Variants in ASAH2 observed in about 807,000 individuals in gnomAD.
ASAH2 encodes N-acylsphingosine amidohydrolase 2.
ASAH2 carries 58 observed loss-of-function variants against 82.9 expected under a neutral mutation model. That is an observed-to-expected ratio of 0.70 (90% CI 0.57 to 0.87). The LOEUF (loss-of-function observed/expected upper bound fraction) is 0.87, where lower values mean the gene tolerates loss of function less well. ASAH2 is among the 40% of genes least tolerant of loss of function. The pLI is 0.00. For synonymous variants in ASAH2, 276 were observed against 289.7 expected (o/e 0.95, Z 0.48); for missense variants, 779 against 834.0 (o/e 0.93, Z 0.81).
chr10:50,198,933 A>G, intron 17 of ASAH2, 118 bp downstream of exon 17: 1 of 1,090,764 alleles, frequency 9.2e-7, no homozygotes, highest in Non-Finnish European at 1.4e-6. Context: ...ACTCGAAGCT[A>G]AGGTTCTCTT....
At chr10:50,245,981 A>G (rs1430256847) in intron 2 of ASAH2, among the ~76,000 whole-genome samples, 3 of 152,134 alleles carry the variant, frequency 2.0e-5, no homozygotes, top group African/African-American at 7.2e-5. Context: ...CCTTCTGAAG[A>G]CTTATTTTTA....
At chr10:50,211,256 T>C in intron 10 of ASAH2, 122 bp from the exon 11 acceptor site, 1 of 791,938 alleles carries the variant, frequency 1.3e-6, no homozygotes, top group East Asian at 2.6e-5. Flanking sequence ...GCTTTTGTTT[T>C]GCTGGTTGCT....
At chr10:50,226,758 T>C (rs1845896871) in intron 7 of ASAH2, among the ~76,000 whole-genome samples, 1 of 152,060 alleles carries the variant, frequency 6.6e-6, no homozygotes, top group African/African-American at 2.4e-5. Flanking sequence ...AAAAAAACTA[T>C]GCCCAGCACT....
chr10:50,208,501 T>C (rs993805172), intron 12 of ASAH2, among the ~76,000 whole-genome samples: 29 of 152,224 alleles, frequency 1.9e-4, no homozygotes, highest in African/African-American at 5.8e-4. Flanking sequence ...TGTATTTCTA[T>C]ACATTTTCTA....
At chr10:50,196,410 T>C (rs1248045468) in intron 18 of ASAH2, among the ~76,000 whole-genome samples, 13 of 151,476 alleles carry the variant, frequency 8.6e-5, no homozygotes, top group African/African-American at 3.1e-4. Context: ...AACTAATAAC[T>C]GATTCAGCAA....
intron 6 of ASAH2, among the ~76,000 whole-genome samples, chr10:50,233,737 G>GA (rs1363075178): frequency 6.6e-6 from 1 of 151,984 alleles, no homozygotes; most frequent in Non-Finnish European, 1.5e-5. Context: ...AAAATATGCA[G>GA]AAAAATGTTA....
At chr10:50,211,386 T>A (rs1845450220) in intron 10 of ASAH2, among the ~76,000 whole-genome samples, 12 of 152,164 alleles carry the variant, frequency 7.9e-5, no homozygotes, top group Non-Finnish European at 1.5e-5. Flanking sequence ...ATTATAGTGA[T>A]ACAGGCTGTG....
chr10:50,199,943 G>A (rs1465688810), intron 16 of ASAH2, among the ~76,000 whole-genome samples: 1 of 151,308 alleles, frequency 6.6e-6, no homozygotes, highest in South Asian at 2.1e-4. Flanking sequence ...TTTGTATTAG[G>A]TTCAGAGGTA....
At chr10:50,249,841 C>T (rs1215437995) in intron 1 of ASAH2, among the ~76,000 whole-genome samples, 2 of 152,040 alleles carry the variant, frequency 1.3e-5, no homozygotes, top group African/African-American at 4.8e-5. Context: ...TTTTCTTAAC[C>T]TGTGCTTTAG....
chr10:50,241,689 C>G (rs546078433), intron 4 of ASAH2, among the ~76,000 whole-genome samples: 13 of 152,260 alleles, frequency 8.5e-5, no homozygotes, highest in Non-Finnish European at 1.5e-4. Context: ...CACATATACA[C>G]CATGGAATAC....
chr10:50,194,623 C>A (rs1844926888), intron 18 of ASAH2, among the ~76,000 whole-genome samples: 1 of 150,994 alleles, frequency 6.6e-6, no homozygotes, highest in South Asian at 2.1e-4. Flanking sequence ...GCAAAAAAAA[C>A]AAAGATGAAG....
chr10:50,250,208 C>A (rs182247458), intron 1 of ASAH2, among the ~76,000 whole-genome samples: 71 of 152,290 alleles, frequency 4.7e-4, no homozygotes, highest in Admixed American at 3.6e-3. Context: ...CTCTACCCAG[C>A]AGGCCTTATT....
chr10:50,217,082 T>C (rs893421302), intron 8 of ASAH2, among the ~76,000 whole-genome samples: 22 of 152,122 alleles, frequency 1.4e-4, no homozygotes, highest in Admixed American at 3.3e-4. Flanking sequence ...ACAGGATGAG[T>C]GGCTTCTCAC....
intron 7 of ASAH2, among the ~76,000 whole-genome samples, chr10:50,229,735 G>A (rs1222100793): frequency 3.9e-5 from 6 of 152,074 alleles, no homozygotes; most frequent in South Asian, 4.1e-4. Flanking sequence ...TGTGTTAAAT[G>A]TTCTTTTCCA....
chr10:50,245,500 A>G (rs1168864613), intron 2 of ASAH2, 46 bp from the exon 3 acceptor site: 3 of 1,518,200 alleles, frequency 2.0e-6, no homozygotes, highest in South Asian at 1.2e-5. Context: ...CAGCCCTCTT[A>G]TTTGTCAACA....
intron 18 of ASAH2, among the ~76,000 whole-genome samples, chr10:50,194,163 C>A (rs1315763756): frequency 6.6e-5 from 10 of 151,264 alleles, no homozygotes; most frequent in Non-Finnish European, 1.3e-4. Flanking sequence ...CCAACTCATT[C>A]TTTGAAAGCA....
chr10:50,208,967 G>C lies in ASAH2; in HGVS notation c.1414+1856C>G, dbSNP rs910594151. Among the ~76,000 whole-genome samples the C allele has an allele frequency of 2.1e-3, 325 of 152,296 alleles. 1 individual carries two copies. The highest frequency in any genetic ancestry group is 7.6e-3 in the African/African-American group (316 of 41,578). Reference sequence around the variant, plus strand: ...GTTAGGCATATAGATCAATGGAATAGAATTGATCATCCAGACATAAAGCCA... The same window carrying C: ...GTTAGGCATATAGATCAATGGAATACAATTGATCATCCAGACATAAAGCCA... On this transcript the variant is annotated intron_variant, in intron 12 of 20. Coordinates refer to ENST00000682911, the MANE Select transcript of ASAH2 (RefSeq NM_019893.4).
chr10:50,241,313 T>C (rs975088710), intron 4 of ASAH2, among the ~76,000 whole-genome samples: 6 of 152,238 alleles, frequency 3.9e-5, no homozygotes, highest in African/African-American at 1.4e-4. Flanking sequence ...TCCTACTCAG[T>C]AATAGACAAT....
intron 4 of ASAH2, among the ~76,000 whole-genome samples, chr10:50,242,567 C>CT (rs1385983704): frequency 6.6e-6 from 1 of 152,098 alleles, no homozygotes; most frequent in Non-Finnish European, 1.5e-5. Context: ...TAGAAATTGC[C>CT]TTAGAAAGTT....
Sources: gnomAD v4.1 joint callset for allele counts (sites outside exome capture counted in the v4.1 genomes callset) on GRCh38, gnomAD v4.1.1 for gene constraint, MANE v1.5 for transcripts, NCBI Gene and HGNC (gene_info 2026-07-23, HGNC 2026-07-21) for gene names.